The following GABRG2 variants were observed in gnomAD, a reference collection of about 807,000 sequenced individuals.
GABRG2 encodes gamma-aminobutyric acid receptor subunit gamma-2.
GABRG2 carries 16 observed loss-of-function variants against 56.4 expected under a neutral mutation model. That is an observed-to-expected ratio of 0.28 (90% confidence interval 0.19 to 0.43). The LOEUF (loss-of-function observed/expected upper bound fraction) is 0.43. Among genes scored for constraint, GABRG2 ranks in the 20% least tolerant of loss-of-function variants. The pLI, the probability that GABRG2 is intolerant of heterozygous loss-of-function variation, is 1.00. For synonymous variants in GABRG2, 208 were observed against 205.5 expected (o/e 1.01, Z -0.10); for missense variants, 327 against 582.7 (o/e 0.56, Z 4.52).
At chr5:162,090,044 C>A (rs1262949354) in intron 1 of GABRG2, among the ~76,000 whole-genome samples, 2 of 152,094 alleles carry the variant, frequency 1.3e-5, no homozygotes, top group Non-Finnish European at 2.9e-5. Context: ...TTTTATAAGC[C>A]ACTTTTATCC....
chr5:162,103,768 C>A, intron 5 of GABRG2, 121 bp from the exon 6 acceptor site: 1 of 1,104,542 alleles, frequency 9.1e-7, no homozygotes, highest in Non-Finnish European at 1.3e-6. Flanking sequence ...GGTCCAAGAT[C>A]CTCATTTAGC....
chr5:162,132,428 T>G (rs999565007), intron 6 of GABRG2, among the ~76,000 whole-genome samples: 1 of 152,004 alleles, frequency 6.6e-6, no homozygotes, highest in Non-Finnish European at 1.5e-5. Context: ...CTACTCATTT[T>G]CTCTGTGAAA....
chr5:162,071,833 A>C (rs1284062100), intron 1 of GABRG2, among the ~76,000 whole-genome samples: 1 of 151,884 alleles, frequency 6.6e-6, no homozygotes, highest in Non-Finnish European at 1.5e-5. Flanking sequence ...CAAATAGTCT[A>C]TCCTGAGGTA....
chr5:162,142,103 G>A (rs1764610637), intron 6 of GABRG2, 61 bp from the exon 7 acceptor site: 1 of 1,526,058 alleles, frequency 6.6e-7, no homozygotes, highest in Non-Finnish European at 9.1e-7. Flanking sequence ...TACATGCTTA[G>A]TTTTAATGTT....
chr5:162,150,152 A>G (rs1765263304), intron 8 of GABRG2: 1 of 154,838 alleles, frequency 6.5e-6, no homozygotes, highest in Non-Finnish European at 1.4e-5. Flanking sequence ...CAAGTTAGTT[A>G]GCCTCCTTGT....
At chr5:162,118,064 G>A (rs1581394785) in intron 6 of GABRG2, among the ~76,000 whole-genome samples, 2 of 151,852 alleles carry the variant, frequency 1.3e-5, no homozygotes, top group African/African-American at 4.8e-5. Context: ...CAGAATTTTT[G>A]TTGAGTCTTA....
At chr5:162,094,250 A>G in intron 2 of GABRG2, 1 of 386,560 alleles carries the variant, frequency 2.6e-6, no homozygotes, top group Non-Finnish European at 4.8e-6. Context: ...AAGCTGTAGG[A>G]AAAAAAAAAC....
chr5:162,130,783 C>T (rs1054242867), intron 6 of GABRG2, among the ~76,000 whole-genome samples: 1 of 151,858 alleles, frequency 6.6e-6, no homozygotes. Context: ...ACTTTTTCTC[C>T]TCCAAGGCTA....
intron 6 of GABRG2, among the ~76,000 whole-genome samples, chr5:162,139,521 A>AAGCCATT (rs1377802499): frequency 1.3e-5 from 2 of 152,230 alleles, no homozygotes; most frequent in Non-Finnish European, 2.9e-5. Context: ...AGATGCTCAG[A>AAGCCATT]AGCCATTACC....
intron 5 of GABRG2, chr5:162,101,581 T>C (rs62384032): frequency 1.3e-4 from 17 of 134,710 alleles, no homozygotes; most frequent in African/African-American, 4.3e-4. Flanking sequence ...GCATAGAGCC[T>C]TTTTTTTTTT....
chr5:162,070,199 A>T (rs1758560747), intron 1 of GABRG2, among the ~76,000 whole-genome samples: 1 of 152,124 alleles, frequency 6.6e-6, no homozygotes, highest in Admixed American at 6.5e-5. Context: ...TGAGTTTTTT[A>T]AAAGAGCTCT....
chr5:162,149,102 C>T lies in GABRG2; in HGVS notation c.923-6C>T. The T allele has an allele frequency of 1.9e-6, 3 of 1,613,402 alleles. No individual in the cohort carries two copies. Among genetic ancestry groups the T allele is most frequent in the Non-Finnish European group, 2.5e-6 (3 of 1,179,564 alleles). On this transcript the variant is annotated splice_region_variant and splice_polypyrimidine_tract_variant and intron_variant, in intron 7 of 9. Transcript: ENST00000639213. ...ACATGACCTGTATTATTACACCTCT[C>T]TTCAGGTATCACCACTGTCCTGACA...
chr5:162,111,001 A>G (rs895460901), intron 6 of GABRG2, among the ~76,000 whole-genome samples: 2 of 152,084 alleles, frequency 1.3e-5, no homozygotes, highest in Admixed American at 6.6e-5. Context: ...CTATAAAAGG[A>G]GTACATTTGA....
At chr5:162,140,922 G>T (rs1422007451) in intron 6 of GABRG2, among the ~76,000 whole-genome samples, 1 of 152,156 alleles carries the variant, frequency 6.6e-6, no homozygotes, top group Non-Finnish European at 1.5e-5. Flanking sequence ...ACTTCAAATT[G>T]TGTCACAATA....
At position 162,120,995 on chromosome 5, in the gene GABRG2, T is replaced by C. The variant is rs548457137; in HGVS notation, c.769+16969T>C. Among the ~76,000 whole-genome samples the C allele has an allele frequency of 2.6e-5, 4 of 152,256 alleles. No homozygotes were observed. The South Asian group carries it at 8.3e-4, about 32-fold the overall frequency. ...GTATCAAGGGATATCAGGTTCAAAG[T>C]TAAACAAGGCAAGGATTCCAGTGTT... On this transcript the variant is annotated intron_variant, in intron 6 of 9. Transcript: ENST00000639213.
At chr5:162,074,296 T>C (rs1268729624) in intron 1 of GABRG2, among the ~76,000 whole-genome samples, 2 of 152,038 alleles carry the variant, frequency 1.3e-5, no homozygotes, top group Admixed American at 6.6e-5. Context: ...TAAAATACCA[T>C]GTAAATGCTA....
At chr5:162,111,395 A>G (rs543785526) in intron 6 of GABRG2, among the ~76,000 whole-genome samples, 3 of 152,174 alleles carry the variant, frequency 2.0e-5, no homozygotes, top group Admixed American at 6.6e-5. Flanking sequence ...TGTTCACACT[A>G]TCTAGCAGGG....
chr5:162,105,890 T>C (rs1355617935), intron 6 of GABRG2, among the ~76,000 whole-genome samples: 1 of 151,666 alleles, frequency 6.6e-6, no homozygotes, highest in Non-Finnish European at 1.5e-5. Flanking sequence ...GAATGAGAAA[T>C]TGGGCATTAA....
intron 1 of GABRG2, among the ~76,000 whole-genome samples, chr5:162,073,430 C>T (rs1758832743): frequency 2.0e-5 from 3 of 151,754 alleles, no homozygotes; most frequent in South Asian, 4.1e-4. Context: ...CATGTCATTC[C>T]ATTTTTAAAG....
Sources: allele counts gnomAD v4.1 joint callset (sites outside exome capture counted in the v4.1 genomes callset), GRCh38; gene constraint gnomAD v4.1.1; transcripts MANE v1.5; gene names NCBI Gene and HGNC (gene_info 2026-07-23, HGNC 2026-07-21).